The following ZNF512 variants were observed in gnomAD, a reference collection of about 807,000 sequenced individuals.
ZNF512 encodes zinc finger protein 512.
Under a neutral mutation model 77.5 loss-of-function variants are expected in ZNF512, and 25 were observed. That is an observed-to-expected ratio of 0.32 (90% CI 0.23 to 0.45). The LOEUF (loss-of-function observed/expected upper bound fraction) is 0.45. Ranked by LOEUF, ZNF512 falls within the 20% of genes least tolerant of loss-of-function variation. The pLI is 1.00. For synonymous variants in ZNF512, 246 were observed against 239.9 expected, an observed-to-expected ratio of 1.03 and a Z score of -0.24; for missense variants, 483 against 692.6, an observed-to-expected ratio of 0.70 and a Z score of 3.40.
chr2:27,592,388 T>C (rs1671628623), intron 2 of ZNF512, among the ~76,000 whole-genome samples: 1 of 151,926 alleles, frequency 6.6e-6, no homozygotes, highest in Non-Finnish European at 1.5e-5. Flanking sequence ...TGATCTCGGC[T>C]CACTGCATCC....
intron 2 of ZNF512, among the ~76,000 whole-genome samples, chr2:27,594,866 C>A (rs563336124): frequency 1.3e-5 from 2 of 152,190 alleles, no homozygotes; most frequent in African/African-American, 4.8e-5. Flanking sequence ...AGCAAGACTC[C>A]GTCTGCAATC....
chr2:27,602,510 A>G lies in ZNF512; in HGVS notation c.717A>G (p.Glu239=). 6.2e-7 allele frequency: 1 copy of G among 1,614,078 alleles called. No homozygotes were observed. Among genetic ancestry groups the G allele is most frequent in the Non-Finnish European group, 8.5e-7 (1 of 1,179,996 alleles). ...AAATAGATGAGCCAAGTGAGAGGGA[A>G]AGGCTCCGAACAGTTCTAAAGAGAC... ...GDEIDEPSER[E]RLRTVLKRLG... The change falls in exon 8 of 14, where the codon GAA becomes GAG. Residue 239 remains glutamate, a synonymous_variant. Coordinates refer to ENST00000355467, the MANE Select transcript of ZNF512 (RefSeq NM_032434.4).
At chr2:27,599,041 A>C (rs377246832) in intron 3 of ZNF512, among the ~76,000 whole-genome samples, 1 of 152,100 alleles carries the variant, frequency 6.6e-6, no homozygotes. Context: ...GGGTTTCTCC[A>C]TGTTGGTCAG....
rs769469131 is a variant in ZNF512, at chr2:27,615,133, AT to A, written c.1132-32del. 6.6e-6 allele frequency: 9 copies of A among 1,358,328 alleles called. No individual in the cohort carries two copies. The South Asian group carries it at 1.1e-4, about 17-fold the overall frequency. The allele number at this position is 1,358,328 out of a possible 1,614,324, so 84.1% of individuals were successfully genotyped here. On this transcript the variant is annotated intron_variant, in intron 10 of 13. Coordinates refer to ENST00000355467, the MANE Select transcript of ZNF512 (RefSeq NM_032434.4). ...TTGGGATATTTTGGTTGGGAGTTGT[AT>A]TTATCTAATGTTTCTGGTTGTCTTG... is the stretch of plus-strand genomic sequence containing the variant.
intron 4 of ZNF512, 138 bp downstream of exon 4, chr2:27,599,816 C>T: frequency 8.8e-7 from 1 of 1,134,868 alleles, no homozygotes; most frequent in Non-Finnish European, 1.3e-6. Context: ...GAATGGCCTC[C>T]ATCCTGCCTC....
rs752225336 is a variant in ZNF512 at position 27,621,281 on chromosome 2, G to A, written c.1524G>A (p.Gln508=). Residue 508 remains glutamine (Q), a synonymous_variant, in exon 14 of 14, where the codon CAG becomes CAA. Coordinates refer to ENST00000355467, the MANE Select transcript of ZNF512 (RefSeq NM_032434.4). ...GCAGAAGGTCTCTAAGAAGGCGGCA[G>A]CAGCCTGGCATTGAGCTTCCCGAGA... ...HRSRRSLRRR[Q]QPGIELPETE... The A allele has an allele frequency of 2.1e-5, 34 of 1,614,072 alleles. No homozygotes were observed. The highest frequency in any genetic ancestry group is 2.8e-5 in the Non-Finnish European group (33 of 1,180,044).
intron 2 of ZNF512, among the ~76,000 whole-genome samples, chr2:27,593,360 C>G (rs1223254549): frequency 1.3e-5 from 2 of 149,856 alleles, no homozygotes; most frequent in African/African-American, 2.5e-5. Context: ...CCACTACACT[C>G]CAGCCTGAGT....
In ZNF512 at chr2:27,609,144, G is replaced by A. The variant is rs113790199; in HGVS notation, c.1131+1105G>A. ...AAAAAGGAAAAGAAAAGAAAAGAAG[G>A]TCAAACCCTAGTTTCTAACACTTAT... On this transcript the variant is annotated intron_variant, in intron 10 of 13. Transcript: ENST00000355467. 8.8e-4 allele frequency among the ~76,000 whole-genome samples: 134 copies of A among 151,810 alleles called. 1 individual carries two copies. Among genetic ancestry groups the A allele is most frequent in the African/African-American group, 3.1e-3 (130 of 41,452 alleles).
At chr2:27,609,460 T>G (rs1298391559) in intron 10 of ZNF512, among the ~76,000 whole-genome samples, 1 of 152,206 alleles carries the variant, frequency 6.6e-6, no homozygotes, top group African/African-American at 2.4e-5. Context: ...CTGGGCCCAG[T>G]GGCTCACGCC....
intron 6 of ZNF512, 68 bp downstream of exon 6, chr2:27,600,883 G>A (rs1672088101): frequency 6.4e-7 from 1 of 1,565,720 alleles, no homozygotes; most frequent in East Asian, 2.3e-5. Flanking sequence ...CTTTTGCTAT[G>A]TTGGATATGC....
In ZNF512 at chr2:27,596,747, G is replaced by C. The variant is rs115823313; in HGVS notation, c.90-1320G>C. 9.8e-3 allele frequency among the ~76,000 whole-genome samples: 1,487 copies of C among 152,248 alleles called. 25 individuals are homozygous for C. The highest frequency in any genetic ancestry group is 0.033 in the African/African-American group (1,372 of 41,542). ...TCTGTGTATTAAATTTGTGTTATTG[G>C]ACCTCATGTGTGGAGAGCCGAAACT... On this transcript the variant is annotated intron_variant, in intron 2 of 13. Coordinates refer to ENST00000355467, the MANE Select transcript of ZNF512 (RefSeq NM_032434.4).
At chr2:27,585,894 T>C (rs1156254859) in intron 2 of ZNF512, among the ~76,000 whole-genome samples, 1 of 152,236 alleles carries the variant, frequency 6.6e-6, no homozygotes, top group Non-Finnish European at 1.5e-5. Context: ...AATCTGGTTT[T>C]TTTTACAAAT....
intron 2 of ZNF512, among the ~76,000 whole-genome samples, chr2:27,592,270 C>T (rs1671619845): frequency 6.6e-6 from 1 of 151,592 alleles, no homozygotes; most frequent in Non-Finnish European, 1.5e-5. Context: ...GGATTACAGG[C>T]TTGAGCCATT....
Position 27,598,204 on chromosome 2 carries a change from A to G in ZNF512, c.227A>G (p.Tyr76Cys), listed in dbSNP as rs142213549. The change falls in exon 3 of 14, where the codon TAC becomes TGC. Residue 76 changes from tyrosine (Y) to cysteine (C), a missense_variant. This residue lies in a region of ZNF512 where 159 missense variants were observed against 167.5 expected (regional missense o/e 0.95). Coordinates refer to ENST00000355467, the MANE Select transcript of ZNF512 (RefSeq NM_032434.4). ...DFPASFRKST[Y>C]WMKMRRIKPA... ...CCAGCATCTTTCCGAAAATCTACCT[A>G]CTGGATGAAGATGAGAAGAATCAAG... 1.4e-5 allele frequency: 22 copies of G among 1,614,016 alleles called. No homozygotes were observed. The African/African-American group carries it at 2.3e-4, about 17-fold the overall frequency.
intron 13 of ZNF512, among the ~76,000 whole-genome samples, chr2:27,617,812 C>T (rs1191065525): frequency 2.0e-5 from 3 of 150,622 alleles, no homozygotes; most frequent in Non-Finnish European, 2.9e-5. Flanking sequence ...TTTGGGAGGC[C>T]AAGGCAGGAG....
At chr2:27,591,755 C>G (rs901127890) in intron 2 of ZNF512, among the ~76,000 whole-genome samples, 6 of 152,208 alleles carry the variant, frequency 3.9e-5, no homozygotes, top group African/African-American at 1.4e-4. Flanking sequence ...GTTGCCCAGG[C>G]TGGTCTTGAA....
chr2:27,583,592 A>G (rs932774580), intron 1 of ZNF512, 66 bp from the exon 2 acceptor site: 3 of 1,596,086 alleles, frequency 1.9e-6, no homozygotes, highest in Admixed American at 3.6e-5. Flanking sequence ...GCATAGGGGA[A>G]TTCGTCTTTT....
chr2:27,586,213 C>CTTT (rs2147999114), intron 2 of ZNF512, among the ~76,000 whole-genome samples: 2 of 103,612 alleles, frequency 1.9e-5, no homozygotes, highest in South Asian at 5.9e-4. Flanking sequence ...ACCATCAAGT[C>CTTT]TTTGTTGTTG....
chr2:27,594,807 C>T (rs140754563), intron 2 of ZNF512, among the ~76,000 whole-genome samples: 3,638 of 152,182 alleles, frequency 0.024, 175 homozygotes, highest in East Asian at 0.22. Context: ...TGTAGCGAGC[C>T]GAGATCACGC....
Sources: allele counts gnomAD v4.1 joint callset (sites outside exome capture counted in the v4.1 genomes callset), GRCh38; gene constraint gnomAD v4.1.1; regional missense constraint gnomAD v4.1.1; transcripts MANE v1.5; gene names NCBI Gene and HGNC (gene_info 2026-07-23, HGNC 2026-07-21).